CRLS1: variants seen among roughly 807,000 people sequenced by gnomAD.
CRLS1 encodes cardiolipin synthase 1, also known as cardiolipin synthase (CMP-forming).
In CRLS1, 24 loss-of-function variants were observed where a neutral mutation model predicts 37.0. That is an observed-to-expected ratio of 0.65 (90% CI 0.47 to 0.91). The LOEUF is 0.91. Among genes scored for constraint, CRLS1 ranks in the 40% least tolerant of loss-of-function variants. CRLS1 has a pLI of 0.00. For synonymous variants in CRLS1, 135 were observed against 159.7 expected, an observed-to-expected ratio of 0.85 and a Z score of 1.17; for missense variants, 373 against 395.8, an observed-to-expected ratio of 0.94 and a Z score of 0.49.
At chr20:6,021,078 T>C (rs1275377941) in intron 3 of CRLS1, among the ~76,000 whole-genome samples, 1 of 149,500 alleles carries the variant, frequency 6.7e-6, no homozygotes, top group Non-Finnish European at 1.5e-5. Context: ...TTTTTTTTTT[T>C]TTTTTTGAGA....
chr20:6,024,876 A>G (rs184598343), intron 3 of CRLS1, among the ~76,000 whole-genome samples: 6 of 152,370 alleles, frequency 3.9e-5, no homozygotes, highest in African/African-American at 1.4e-4. Flanking sequence ...AGCCTAATCT[A>G]TAATAGATCA....
At chr20:6,028,441 A>G (rs916993266) in intron 3 of CRLS1, 3 of 151,734 alleles carry the variant, frequency 2.0e-5, no homozygotes, top group African/African-American at 7.3e-5. Context: ...TTGTATTATT[A>G]TATTTTGTAT....
At chr20:6,033,503 T>C (rs762558107) in intron 5 of CRLS1, among the ~76,000 whole-genome samples, 1 of 152,170 alleles carries the variant, frequency 6.6e-6, no homozygotes, top group African/African-American at 2.4e-5. Flanking sequence ...AGAACAGAGG[T>C]GCTCGTCTGC....
At chr20:6,020,419 A>AT (rs1295456395) in intron 3 of CRLS1, among the ~76,000 whole-genome samples, 4 of 151,716 alleles carry the variant, frequency 2.6e-5, no homozygotes, top group Non-Finnish European at 5.9e-5. Flanking sequence ...TTTTGTGGGG[A>AT]TTTTTTTAGT....
At chr20:6,010,932 G>A (rs953574401) in intron 2 of CRLS1, among the ~76,000 whole-genome samples, 2 of 152,000 alleles carry the variant, frequency 1.3e-5, no homozygotes, top group African/African-American at 2.4e-5. Flanking sequence ...CAGGAGGATT[G>A]CTTGAGCTCA....
At chr20:6,025,943 C>T (rs1979651548) in intron 3 of CRLS1, among the ~76,000 whole-genome samples, 1 of 152,136 alleles carries the variant, frequency 6.6e-6, no homozygotes, top group Non-Finnish European at 1.5e-5. Context: ...GAAATATACT[C>T]CTGGTGAAGA....
At chr20:6,023,777 A>G (rs1979460815) in intron 3 of CRLS1, among the ~76,000 whole-genome samples, 1 of 151,330 alleles carries the variant, frequency 6.6e-6, no homozygotes, top group Non-Finnish European at 1.5e-5. Context: ...TATATCGTGT[A>G]TGAATGTCAT....
chr20:6,009,379 C>T (rs2090102419), intron 1 of CRLS1, among the ~76,000 whole-genome samples: 1 of 151,892 alleles, frequency 6.6e-6, no homozygotes, highest in South Asian at 2.1e-4. Context: ...ACACCTTACC[C>T]TGTGTTTCGG....
intron 2 of CRLS1, among the ~76,000 whole-genome samples, chr20:6,010,417 G>C (rs536933931): frequency 3.2e-4 from 49 of 152,302 alleles, no homozygotes; most frequent in African/African-American, 1.2e-3. Flanking sequence ...CTAGCAGAAG[G>C]CTGTAGGTAC....
chr20:6,008,540 C>T (rs879870482), intron 1 of CRLS1, among the ~76,000 whole-genome samples: 6 of 152,228 alleles, frequency 3.9e-5, no homozygotes, highest in Non-Finnish European at 8.8e-5. Context: ...CTAGGAATTG[C>T]AAAGCCCCCA....
intron 3 of CRLS1, among the ~76,000 whole-genome samples, chr20:6,025,814 G>A (rs1169886226): frequency 6.6e-6 from 1 of 152,230 alleles, no homozygotes. Flanking sequence ...AGTCACTGCA[G>A]ATGTGGTAGA....
At chr20:6,029,138 A>T (rs1600384117) in intron 3 of CRLS1, among the ~76,000 whole-genome samples, 1 of 147,572 alleles carries the variant, frequency 6.8e-6, no homozygotes, top group South Asian at 2.1e-4. Flanking sequence ...GGAACCCTTG[A>T]TTTTTTTTTT....
intron 2 of CRLS1, among the ~76,000 whole-genome samples, chr20:6,011,571 G>GCTTTTTTTTTTTTTTTT (rs2090133946): frequency 2.3e-5 from 1 of 42,624 alleles, no homozygotes; most frequent in Non-Finnish European, 5.2e-5. Flanking sequence ...TTTTGTCCCT[G>GCTTTTTTTTTTTTTTTT]CTTTTTTTTT....
intron 3 of CRLS1, chr20:6,016,158 G>A (rs953869647): frequency 2.0e-5 from 3 of 151,890 alleles, no homozygotes; most frequent in Non-Finnish European, 4.4e-5. Context: ...GTCAGTCTAA[G>A]AGTTTGCATT....
intron 3 of CRLS1, among the ~76,000 whole-genome samples, chr20:6,027,405 GTTTT>G (rs1568627894): frequency 6.6e-6 from 1 of 150,622 alleles, no homozygotes; most frequent in South Asian, 2.1e-4. Context: ...GTTTGTTTTT[GTTTT>G]TTGTTTGTTT....
At chr20:6,024,695 ATAGC>A (rs753718357) in intron 3 of CRLS1, among the ~76,000 whole-genome samples, 15 of 152,248 alleles carry the variant, frequency 9.9e-5, no homozygotes, top group Non-Finnish European at 2.9e-5. Context: ...GTTGTGCCAA[ATAGC>A]TAGCCAAGTT....
intron 3 of CRLS1, among the ~76,000 whole-genome samples, chr20:6,019,512 CTTTT>C (rs10610960): frequency 1.4e-4 from 17 of 118,482 alleles, no homozygotes; most frequent in African/African-American, 4.0e-4. Flanking sequence ...TTTTTTGTCC[CTTTT>C]TTTTTTTTTT....
chr20:6,015,248 T>C, intron 2 of CRLS1, 113 bp from the exon 3 acceptor site: 1 of 582,676 alleles, frequency 1.7e-6, no homozygotes, highest in Non-Finnish European at 2.8e-6. Flanking sequence ...GAAGACATTT[T>C]GTTAACATTT....
chr20:6,017,579 C>G (rs1414152362), intron 3 of CRLS1, among the ~76,000 whole-genome samples: 1 of 152,170 alleles, frequency 6.6e-6, no homozygotes, highest in South Asian at 2.1e-4. Flanking sequence ...TGCTAAAAGT[C>G]TTGATATCCA....
Sources: gnomAD v4.1 joint callset for allele counts (sites outside exome capture counted in the v4.1 genomes callset) on GRCh38, gnomAD v4.1.1 for gene constraint, MANE v1.5 for transcripts, NCBI Gene and HGNC (gene_info 2026-07-23, HGNC 2026-07-21) for gene names.